INTU: variants seen among roughly 807,000 people sequenced by gnomAD.
INTU encodes the protein inturned planar cell polarity protein.
Under a neutral mutation model 100.5 loss-of-function variants are expected in INTU, and 68 were observed. The ratio of observed to expected loss-of-function variants is 0.68; its 90% CI spans 0.56 to 0.83. The LOEUF (loss-of-function observed/expected upper bound fraction) is 0.83, where lower values mean the gene tolerates loss of function less well. Among genes scored for constraint, INTU ranks in the 40% least tolerant of loss-of-function variants. The pLI is 0.00. For synonymous variants in INTU, 357 were observed against 395.7 expected (o/e 0.90, Z 1.16); for missense variants, 1,071 against 1,114.7 (o/e 0.96, Z 0.56).
chr4:127,713,061 T>A (rs1731149500), intron 14 of INTU, among the ~76,000 whole-genome samples: 1 of 152,190 alleles, frequency 6.6e-6, no homozygotes, highest in Admixed American at 6.5e-5. Flanking sequence ...CATGGCCGGA[T>A]AGACTATGAT....
intron 6 of INTU, among the ~76,000 whole-genome samples, chr4:127,681,680 G>C (rs1729561303): frequency 6.6e-6 from 1 of 152,142 alleles, no homozygotes; most frequent in Non-Finnish European, 1.5e-5. Context: ...TACCATTCAG[G>C]ACATAGGCAT....
chr4:127,677,294 CTCCTCAAGTGGG>C (rs1361937055), intron 6 of INTU, among the ~76,000 whole-genome samples: 3 of 152,016 alleles, frequency 2.0e-5, no homozygotes, highest in African/African-American at 7.3e-5. Flanking sequence ...GGCAGACTGC[CTCCTCAAGTGGG>C]TCCCTGACCC....
intron 8 of INTU, among the ~76,000 whole-genome samples, chr4:127,689,032 G>T (rs1729982446): frequency 7.2e-6 from 1 of 138,824 alleles, no homozygotes; most frequent in South Asian, 2.2e-4. Flanking sequence ...GCTGGAGTGG[G>T]AGTGCAGTGG....
intron 6 of INTU, among the ~76,000 whole-genome samples, chr4:127,683,399 T>C (rs1027950929): frequency 3.3e-5 from 5 of 152,192 alleles, no homozygotes; most frequent in African/African-American, 7.2e-5. Context: ...AGTATTCTCA[T>C]TTATTCAAAC....
chr4:127,681,815 C>A (rs60996901), intron 6 of INTU, among the ~76,000 whole-genome samples: 2,980 of 152,098 alleles, frequency 0.02, 102 homozygotes, highest in African/African-American at 0.067. Flanking sequence ...AGTGAACAGG[C>A]AACCTACAAA....
intron 10 of INTU, among the ~76,000 whole-genome samples, chr4:127,704,781 A>AT (rs1444954167): frequency 1.3e-5 from 2 of 151,658 alleles, no homozygotes; most frequent in African/African-American, 4.8e-5. Context: ...GAAAGAGTGT[A>AT]TTTTTTATCC....
In INTU at chr4:127,643,675, T is replaced by A; in HGVS notation, c.301T>A (p.Tyr101Asn). 6.2e-7 allele frequency: 1 copy of A among 1,613,062 alleles called. No homozygotes were observed. Among genetic ancestry groups the A allele is most frequent in the South Asian group, 1.1e-5 (1 of 90,898 alleles). ...AAATGAGATTATCATTGAAGATGACTACAAAGAAAGAAAAAAGTATGAACC... is the reference window on the plus strand; with the variant it reads ...AAATGAGATTATCATTGAAGATGACAACAAAGAAAGAAAAAAGTATGAACC... ...SENEIIIEDD[Y>N]KERKKYEPKL... The change falls in exon 2 of 16, where the codon TAC becomes AAC. Residue 101 changes from tyrosine to asparagine, a missense_variant. Physicochemically the swap from Tyr to Asn is moderately radical, Grantham distance 143. Coordinates refer to ENST00000335251, the MANE Select transcript of INTU (RefSeq NM_015693.4).
intron 4 of INTU, among the ~76,000 whole-genome samples, chr4:127,668,754 T>C (rs1030747188): frequency 6.6e-6 from 1 of 151,890 alleles, no homozygotes; most frequent in Non-Finnish European, 1.5e-5. Context: ...AAAACTGTTT[T>C]AAATGATTTG....
intron 1 of INTU, among the ~76,000 whole-genome samples, chr4:127,633,446 G>T (rs970186632): frequency 2.0e-5 from 3 of 151,882 alleles, no homozygotes; most frequent in Non-Finnish European, 4.4e-5. Flanking sequence ...CCTCTTTTTG[G>T]TCATGGGCTC....
rs898392417 is a variant in INTU, at chr4:127,721,134, C to G, written c.*4698C>G. The stretch of plus-strand genomic sequence containing the variant: ...CAGTTTTTCCTTTCCATATTGAGTG[C>G]TTCCTTCAGGAGCACTTGCAAGGCA... On this transcript the variant is annotated 3_prime_UTR_variant, in exon 16 of 16. Coordinates refer to ENST00000335251, the MANE Select transcript of INTU (RefSeq NM_015693.4). 2.6e-5 allele frequency: 4 copies of G among 152,148 alleles called. No homozygotes were observed. Among genetic ancestry groups the G allele is most frequent in the African/African-American group, 9.7e-5 (4 of 41,424 alleles). 9.4% of individuals were successfully genotyped at this position (152,148 alleles called of 1,614,324 possible).
intron 8 of INTU, among the ~76,000 whole-genome samples, chr4:127,690,905 T>A (rs1221195413): frequency 2.0e-5 from 3 of 152,116 alleles, no homozygotes; most frequent in Admixed American, 6.5e-5. Flanking sequence ...GTGTACATTC[T>A]ATAGATTTAG....
chr4:127,681,800 A>C (rs1180520742), intron 6 of INTU, among the ~76,000 whole-genome samples: 1 of 152,246 alleles, frequency 6.6e-6, no homozygotes, highest in Non-Finnish European at 1.5e-5. Flanking sequence ...AGAAACTACC[A>C]TCAGAGTGAA....
chr4:127,677,505 C>A (rs1729279328), intron 6 of INTU, among the ~76,000 whole-genome samples: 1 of 150,680 alleles, frequency 6.6e-6, no homozygotes, highest in Admixed American at 6.6e-5. Context: ...TGGAGTGGAC[C>A]TCTAGCAAAC....
rs1578633981 is a variant in INTU at position 127,706,866 on chromosome 4, G to A, written c.2168G>A (p.Gly723Glu). 6.2e-7 allele frequency: 1 copy of A among 1,614,084 alleles called. No individual in the cohort carries two copies. The highest frequency in any genetic ancestry group is 1.3e-5 in the African/African-American group (1 of 75,026). Residue 723 changes from glycine to glutamate, a missense_variant, in exon 12 of 16, where the codon GGA becomes GAA. Gly to Glu is a moderately conservative substitution (Grantham distance 98). Coordinates refer to ENST00000335251, the MANE Select transcript of INTU (RefSeq NM_015693.4). ...SGGSDNGCEGGEDDGFSPHTT... is the reference protein window; with the variant it reads ...SGGSDNGCEGEEDDGFSPHTT... ...GGATCTGACAATGGTTGTGAAGGTG[G>A]AGAAGATGATGGCTTTAGCCCCCAT...
At chr4:127,661,998 G>A (rs1728498447) in intron 3 of INTU, among the ~76,000 whole-genome samples, 1 of 152,054 alleles carries the variant, frequency 6.6e-6, no homozygotes, top group South Asian at 2.1e-4. Context: ...TAAGGTGGTA[G>A]GTACCTCATT....
In INTU at chr4:127,669,117, G is replaced by A. The variant is rs74722824; in HGVS notation, c.1054G>A (p.Asp352Asn). The change falls in exon 5 of 16, where the codon GAC becomes AAC. Residue 352 changes from aspartate to asparagine, a missense_variant. Physicochemically the swap from Asp to Asn is conservative, Grantham distance 23. Coordinates refer to ENST00000335251, the MANE Select transcript of INTU (RefSeq NM_015693.4). The part of the protein sequence containing the change: ...SVRGIFLTLC[D>N]MLENVTGTQV... The stretch of plus-strand genomic sequence containing the variant: ...GAGAGGGATTTTTCTCACACTCTGT[G>A]ACATGCTGGAAAACGTAACTGGGAC... 41 of 1,543,832 alleles carry A rather than the reference G, an allele frequency of 2.7e-5. No individual in the cohort carries two copies. Among genetic ancestry groups the A allele is most frequent in the Non-Finnish European group, 3.5e-5 (40 of 1,135,962 alleles).
In INTU at chr4:127,674,272, G is replaced by C. The variant is rs1056253682; in HGVS notation, c.1181+59G>C. On this transcript the variant is annotated intron_variant, in intron 6 of 15. Transcript: ENST00000335251. ...TCCAAATAATGTTAACTTTTGTTTT[G>C]TTAAAATTATTACATTTTTGTCAAA... 3.0e-6 allele frequency: 4 copies of C among 1,318,998 alleles called. No individual in the cohort carries two copies. In the African/African-American group the frequency reaches 5.9e-5, roughly 19 times the overall value. 81.7% of individuals were successfully genotyped at this position (1,318,998 alleles called of 1,614,324 possible). A position where few individuals can be genotyped will look rare whatever the true frequency, so the allele number is the denominator to read the frequency against.
intron 6 of INTU, among the ~76,000 whole-genome samples, chr4:127,680,029 A>T (rs1158306458): frequency 2.0e-5 from 3 of 152,186 alleles, no homozygotes; most frequent in African/African-American, 7.2e-5. Flanking sequence ...TCCTTGACAC[A>T]TACACCCTCC....
chr4:127,637,641 C>T (rs1454049107), intron 1 of INTU, among the ~76,000 whole-genome samples: 1 of 152,136 alleles, frequency 6.6e-6, no homozygotes, highest in Admixed American at 6.5e-5. Context: ...AGTCTTTATT[C>T]CTGAGTGTTG....
Sources: allele counts gnomAD v4.1 joint callset (sites outside exome capture counted in the v4.1 genomes callset), GRCh38; gene constraint gnomAD v4.1.1; transcripts MANE v1.5; gene names NCBI Gene and HGNC (gene_info 2026-07-23, HGNC 2026-07-21).